PIN4: variants seen among roughly 807,000 people sequenced by gnomAD.
PIN4 encodes the protein peptidylprolyl cis/trans isomerase, NIMA-interacting 4, also known as peptidyl-prolyl cis-trans isomerase NIMA-interacting 4.
In PIN4, 3 loss-of-function variants were observed where a neutral mutation model predicts 8.3. The observed-to-expected ratio is 0.36, with a 90% confidence interval of 0.16 to 0.93. The LOEUF is 0.93. Ranked by LOEUF, PIN4 falls within the 40% of genes least tolerant of loss-of-function variation. The probability of loss-of-function intolerance (pLI) is 0.44; values close to 1 mark genes in which losing one functional copy is unlikely to be tolerated. For synonymous variants in PIN4, 18 were observed against 32.5 expected, an observed-to-expected ratio of 0.55 and a Z score of 1.52; for missense variants, 75 against 100.6, an observed-to-expected ratio of 0.75 and a Z score of 1.09.
intron 3 of PIN4, among the ~76,000 whole-genome samples, chrX:72,243,630 T>G (rs2043057565): frequency 1.8e-5 from 2 of 112,134 alleles, no homozygotes; most frequent in African/African-American, 6.5e-5. Flanking sequence ...AACAAAACTT[T>G]TCAACCTAAT....
rs1035296080 is a variant in PIN4 at position 72,218,638 on chromosome X, C to T, written c.312+21734C>T. On this transcript the variant is annotated intron_variant, in intron 3 of 3. Coordinates refer to the PIN4 transcript ENST00000423432. Reference sequence around the variant, plus strand: ...CCTCCCGAGCAGCTGGGATTATAGGCGTGCACCACCCTCACCTGGCTAATT... The same window carrying T: ...CCTCCCGAGCAGCTGGGATTATAGGTGTGCACCACCCTCACCTGGCTAATT... Among the ~76,000 whole-genome samples the T allele has an allele frequency of 4.6e-5, 5 of 109,749 alleles. No homozygotes were observed. The East Asian group carries it at 1.4e-3, about 32-fold the overall frequency.
In PIN4 at chrX:72,187,746, T is replaced by G. The variant is rs1002284619; in HGVS notation, c.117+1212T>G. Among the ~76,000 whole-genome samples the G allele has an allele frequency of 1.6e-4, 18 of 111,953 alleles. No homozygotes were observed. In the East Asian group the frequency reaches 1.7e-3, roughly 10 times the overall value. On this transcript the variant is annotated intron_variant, in intron 2 of 3. Transcript: ENST00000373669. ...TGAGCCCGAGAATTTGAGGCTACAG[T>G]GAGCCATGATTGTGCCACTACACTC... is the stretch of plus-strand genomic sequence containing the variant.
chrX:72,191,822 C>T (rs1026990959), intron 2 of PIN4, among the ~76,000 whole-genome samples: 1 of 111,792 alleles, frequency 8.9e-6, no homozygotes, highest in Non-Finnish European at 1.9e-5. Context: ...GTTCTGAATA[C>T]CAAACCTTGC....
chrX:72,218,842 T>C (rs2042902731), intron 3 of PIN4, among the ~76,000 whole-genome samples: 1 of 112,880 alleles, frequency 8.9e-6, no homozygotes, highest in African/African-American at 3.2e-5. Context: ...CAGGATATCT[T>C]TCTTTTATTT....
intron 3 of PIN4, among the ~76,000 whole-genome samples, chrX:72,230,169 C>T (rs183371866): frequency 3.6e-3 from 390 of 107,072 alleles, no homozygotes; most frequent in African/African-American, 0.012. Context: ...AGCAAGACTC[C>T]GACTCAAAAA....
intron 3 of PIN4, chrX:72,204,920 C>A: frequency 1.2e-6 from 1 of 828,617 alleles, no homozygotes; most frequent in Non-Finnish European, 1.7e-6. Context: ...TGCCTTAAGC[C>A]TGAATGCTTC....
rs1421037070 is a variant in PIN4 at position 72,197,724 on chromosome X, A to G, written c.*198A>G. ...GTGGGGCTAAGTGAATGTCAACTGT[A>G]GTAGGTATTCAGTCAGTCTTTCTCA... On this transcript the variant is annotated 3_prime_UTR_variant, in exon 4 of 4. Transcript: ENST00000373669. 5.1e-5 allele frequency: 50 copies of G among 976,460 alleles called. No individual in the cohort carries two copies. In the East Asian group the frequency reaches 1.9e-3, roughly 36 times the overall value. The allele number at this position is 976,460 out of a possible 1,213,427, so 80.5% of individuals were successfully genotyped here. A position where few individuals can be genotyped will look rare whatever the true frequency, so the allele number is the denominator to read the frequency against.
chrX:72,246,790 T>G (rs1234379365), intron 3 of PIN4, among the ~76,000 whole-genome samples: 1 of 112,074 alleles, frequency 8.9e-6, no homozygotes, highest in Non-Finnish European at 1.9e-5. Context: ...GAACCTTCCC[T>G]GATCCTTCTC....
At chrX:72,181,741 G>A (rs1225770176), upstream of PIN4, 7 of 1,179,404 alleles carry the variant, frequency 5.9e-6, no homozygotes, top group African/African-American at 5.3e-5. Context: ...AAAGGGGCTT[G>A]TACGGCAACT....
chrX:72,261,100 C>T (rs1161172381), intron 3 of PIN4, among the ~76,000 whole-genome samples: 1 of 110,853 alleles, frequency 9.0e-6, no homozygotes, highest in Non-Finnish European at 1.9e-5. Flanking sequence ...GAGTTCGAGA[C>T]TAGCCTGGAC....
intron 3 of PIN4, among the ~76,000 whole-genome samples, chrX:72,233,744 G>A (rs1341391075): frequency 1.0e-5 from 1 of 97,918 alleles, no homozygotes; most frequent in African/African-American, 4.3e-5. Context: ...TTTGAATATG[G>A]ACTATGTATT....
intron 3 of PIN4, among the ~76,000 whole-genome samples, chrX:72,229,092 C>T (rs185289438): frequency 1.1e-3 from 121 of 111,565 alleles, no homozygotes; most frequent in South Asian, 4.9e-3. Flanking sequence ...CTCCCTGCAA[C>T]GCCTCAAGCC....
intron 2 of PIN4, among the ~76,000 whole-genome samples, chrX:72,191,478 G>A (rs1430540281): frequency 1.8e-5 from 2 of 111,265 alleles, no homozygotes; most frequent in Non-Finnish European, 3.8e-5. Context: ...TTGGACCCGA[G>A]AGGCGGAGGT....
chrX:72,220,092 A>G (rs992229745), intron 3 of PIN4, among the ~76,000 whole-genome samples: 2 of 110,472 alleles, frequency 1.8e-5, no homozygotes, highest in Non-Finnish European at 3.8e-5. Flanking sequence ...GATTTTGTCA[A>G]ATGTTTTTTT....
chrX:72,233,974 G>A (rs1357744479), intron 3 of PIN4, among the ~76,000 whole-genome samples: 1 of 109,210 alleles, frequency 9.2e-6, no homozygotes, highest in Non-Finnish European at 1.9e-5. Context: ...AGCCTGGCGT[G>A]GTAGCAGGTG....
intron 3 of PIN4, among the ~76,000 whole-genome samples, chrX:72,234,933 A>G (rs1323857756): frequency 5.4e-5 from 6 of 111,631 alleles, no homozygotes; most frequent in African/African-American, 3.3e-5. Context: ...GAAATGTACT[A>G]TGATTGCCAG....
intron 1 of PIN4, among the ~76,000 whole-genome samples, chrX:72,184,732 G>A (rs2147565104): frequency 8.9e-6 from 1 of 111,788 alleles, no homozygotes; most frequent in Admixed American, 9.5e-5. Flanking sequence ...GGTTTTGGTA[G>A]TCAGTATTTG....
chrX:72,191,423 C>G (rs1288968873), intron 2 of PIN4, among the ~76,000 whole-genome samples: 1 of 110,375 alleles, frequency 9.1e-6, no homozygotes, highest in African/African-American at 3.3e-5. Flanking sequence ...TGGTGGCATG[C>G]GCCTGGAATC....
At chrX:72,212,757 A>C (rs1215264965) in intron 3 of PIN4, among the ~76,000 whole-genome samples, 1 of 111,920 alleles carries the variant, frequency 8.9e-6, no homozygotes, top group Non-Finnish European at 1.9e-5. Context: ...CCTGGGCAAC[A>C]TAGTGAAGCC....
Sources: gnomAD v4.1 joint callset for allele counts (sites outside exome capture counted in the v4.1 genomes callset) on GRCh38, gnomAD v4.1.1 for gene constraint, MANE v1.5 for transcripts, NCBI Gene and HGNC (gene_info 2026-07-23, HGNC 2026-07-21) for gene names.